Variants in PCDHGB4 observed in about 807,000 individuals in gnomAD.
PCDHGB4 encodes the protein protocadherin gamma subfamily B, 4.
PCDHGB4 carries 38 observed loss-of-function variants against 60.5 expected under a neutral mutation model. The observed-to-expected ratio is 0.63, with a 90% CI of 0.48 to 0.82. PCDHGB4 has a LOEUF of 0.82. Ranked by LOEUF, PCDHGB4 falls within the 40% of genes least tolerant of loss-of-function variation. The pLI is 0.00. For synonymous variants in PCDHGB4, 456 were observed against 509.7 expected, an observed-to-expected ratio of 0.89 and a Z score of 1.42; for missense variants, 1,109 against 1,209.6, an observed-to-expected ratio of 0.92 and a Z score of 1.23.
chr5:141,479,928 C>T (rs1309777916), intron 1 of PCDHGB4, among the ~76,000 whole-genome samples: 1 of 152,222 alleles, frequency 6.6e-6, no homozygotes, highest in African/African-American at 2.4e-5. Flanking sequence ...CTCAGTGCAT[C>T]ATTGCTATCA....
intron 1 of PCDHGB4, chr5:141,395,735 A>T (rs1226671096): frequency 6.5e-6 from 1 of 153,508 alleles, no homozygotes; most frequent in East Asian, 1.9e-4. Context: ...TCTTCACTTT[A>T]AACCTCTTTT....
chr5:141,422,342 TG>T, intron 1 of PCDHGB4: 1 of 1,551,514 alleles, frequency 6.4e-7, no homozygotes. Context: ...CTTCTAAATG[TG>T]CAAGATCAAG....
chr5:141,419,591 G>A lies in PCDHGB4; in HGVS notation c.2397+29310G>A, dbSNP rs574335266. The A allele has an allele frequency of 2.2e-5, 35 of 1,611,826 alleles. No individual in the cohort carries two copies. The African/African-American group carries it at 4.0e-4, about 18-fold the overall frequency. On this transcript the variant is annotated intron_variant, in intron 1 of 3. Coordinates refer to ENST00000519479, the MANE Select transcript of PCDHGB4 (RefSeq NM_003736.4). ...CGACGGCTCCGCGCTCTTCGACACA[G>A]TGCCGCGGGCCGCGCAGCCAGGCTA...
In PCDHGB4 at chr5:141,404,943, TAGCTGAC is replaced by T. The variant is rs770372146; in HGVS notation, c.2397+14666_2397+14672del. On this transcript the variant is annotated intron_variant, in intron 1 of 3. Transcript: ENST00000519479. ...GCCACTGTCACGCTCACAGTAGCCA[TAGCTGAC>T]AGCATCCCAGACATCCTGGCTGACC... 24 of 1,613,914 alleles carry T rather than the reference TAGCTGAC, an allele frequency of 1.5e-5. No individual in the cohort carries two copies. In the East Asian group the frequency reaches 4.0e-4, roughly 27 times the overall value.
chr5:141,478,392 A>T, intron 1 of PCDHGB4: 1 of 1,613,560 alleles, frequency 6.2e-7, no homozygotes, highest in East Asian at 2.2e-5. Flanking sequence ...CTTTACCATC[A>T]GGTGTATCTC....
chr5:141,393,574 A>T (rs2092798550), intron 1 of PCDHGB4: 2 of 1,613,798 alleles, frequency 1.2e-6, no homozygotes, highest in Non-Finnish European at 1.7e-6. Context: ...GTCCTTGAGA[A>T]CATGCCCCCA....
chr5:141,401,000 C>T (rs113065470), intron 1 of PCDHGB4, among the ~76,000 whole-genome samples: 2 of 152,218 alleles, frequency 1.3e-5, no homozygotes, highest in Non-Finnish European at 2.9e-5. Flanking sequence ...CTTTCTTATT[C>T]CTACCTAATG....
intron 2 of PCDHGB4, among the ~76,000 whole-genome samples, chr5:141,501,075 A>C (rs980856799): frequency 6.6e-6 from 1 of 151,366 alleles, no homozygotes; most frequent in African/African-American, 2.4e-5. Context: ...CACCATGTTG[A>C]CCAGGATGGT....
chr5:141,428,031 G>A (rs760882803), intron 1 of PCDHGB4: 6 of 1,607,376 alleles, frequency 3.7e-6, no homozygotes, highest in South Asian at 3.3e-5. Context: ...CGCAGAGTCC[G>A]GCTACCTGGT....
At chr5:141,427,082 C>T (rs1335319344) in intron 1 of PCDHGB4, 1 of 458,118 alleles carries the variant, frequency 2.2e-6, no homozygotes, top group Admixed American at 2.3e-5. Flanking sequence ...CAGCCACTGA[C>T]CAGGATGAGG....
chr5:141,435,026 C>A (rs977017371), intron 1 of PCDHGB4, among the ~76,000 whole-genome samples: 4 of 151,978 alleles, frequency 2.6e-5, no homozygotes, highest in Non-Finnish European at 5.9e-5. Context: ...GCTCTTTTCC[C>A]ACTTTTATTT....
At chr5:141,472,369 G>A (rs1194465676) in intron 1 of PCDHGB4, among the ~76,000 whole-genome samples, 2 of 151,770 alleles carry the variant, frequency 1.3e-5, no homozygotes, top group Admixed American at 6.6e-5. Flanking sequence ...GTGAAACCCC[G>A]TCTCCACTAA....
chr5:141,510,451 G>A (rs1330148267), intron 3 of PCDHGB4, among the ~76,000 whole-genome samples: 2 of 152,096 alleles, frequency 1.3e-5, no homozygotes, highest in East Asian at 1.9e-4. Context: ...AGGAGCCCAT[G>A]GTCTAGTGTG....
intron 1 of PCDHGB4, chr5:141,478,018 C>G: frequency 6.2e-7 from 1 of 1,614,124 alleles, no homozygotes; most frequent in Non-Finnish European, 8.5e-7. Flanking sequence ...CCCGTCCAGT[C>G]CAAGACACAG....
intron 1 of PCDHGB4, chr5:141,440,464 G>C (rs2003094): frequency 1.3e-5 from 2 of 152,150 alleles, no homozygotes; most frequent in Admixed American, 6.5e-5. Context: ...ATGAACAAAC[G>C]GTAGTTGAAA....
chr5:141,403,038 G>A, intron 1 of PCDHGB4: 1 of 1,614,088 alleles, frequency 6.2e-7, no homozygotes, highest in Non-Finnish European at 8.5e-7. Context: ...GCCAGGGCCA[G>A]TCAGATTCGC....
At chr5:141,484,362 A>T (rs1460176695) in intron 1 of PCDHGB4, among the ~76,000 whole-genome samples, 1 of 152,196 alleles carries the variant, frequency 6.6e-6, no homozygotes, top group Non-Finnish European at 1.5e-5. Context: ...TATCTAGTGT[A>T]TCACTAGCAA....
Position 141,399,283 on chromosome 5 carries a change from G to T in PCDHGB4, c.2397+9002G>T, listed in dbSNP as rs533695738. ...GGTTAATTGTCAATTACAAGGCGAA[G>T]TCCCTTTTAAGATTATCTCTTCATC... On this transcript the variant is annotated intron_variant, in intron 1 of 3. Coordinates refer to ENST00000519479, the MANE Select transcript of PCDHGB4 (RefSeq NM_003736.4). The T allele has an allele frequency of 5.0e-6, 8 of 1,613,888 alleles. No individual in the cohort carries two copies. The South Asian group carries it at 7.7e-5, about 16-fold the overall frequency.
intron 1 of PCDHGB4, among the ~76,000 whole-genome samples, chr5:141,401,210 C>T (rs1038078572): frequency 3.9e-5 from 6 of 151,956 alleles, no homozygotes; most frequent in Non-Finnish European, 5.9e-5. Flanking sequence ...GGTGTGGTGG[C>T]GGGCGCCTGT....
Sources: allele counts gnomAD v4.1 joint callset (sites outside exome capture counted in the v4.1 genomes callset), GRCh38; gene constraint gnomAD v4.1.1; transcripts MANE v1.5; gene names NCBI Gene and HGNC (gene_info 2026-07-23, HGNC 2026-07-21).